NFKBIZ: variants seen among roughly 807,000 people sequenced by gnomAD.
The protein encoded by NFKBIZ is NFKB inhibitor zeta.
A neutral mutation model predicts 76.8 loss-of-function variants in NFKBIZ; 19 were observed. The observed-to-expected ratio is 0.25, with a 90% CI of 0.17 to 0.36. The LOEUF is 0.36. Among genes scored for constraint, NFKBIZ ranks in the 10% least tolerant of loss-of-function variants. The pLI, the probability that NFKBIZ is intolerant of heterozygous loss-of-function variation, is 1.00. For synonymous variants in NFKBIZ, 368 were observed against 354.8 expected (o/e 1.04, Z -0.42); for missense variants, 829 against 910.9 (o/e 0.91, Z 1.16).
Position 101,860,683 on chromosome 3 carries a change from ATAACAT to A in NFKBIZ, c.*1314_*1319del, listed in dbSNP as rs1943120235. 6.6e-6 allele frequency: 1 copy of A among 152,084 alleles called. No individual in the cohort carries two copies. Among genetic ancestry groups the A allele is most frequent in the Non-Finnish European group, 1.5e-5 (1 of 68,022 alleles). 9.4% of individuals were successfully genotyped at this position (152,084 alleles called of 1,614,324 possible). A position where few individuals can be genotyped will look rare whatever the true frequency, so the allele number is the denominator to read the frequency against. On this transcript the variant is annotated 3_prime_UTR_variant, in exon 12 of 12. Coordinates refer to ENST00000326172, the MANE Select transcript of NFKBIZ (RefSeq NM_031419.4). ...CATTCAGAAAAAGTTTTATTTTTTA[ATAACAT>A]TCTATTAACATTATTTTGCTTGCCG... is the stretch of plus-strand genomic sequence containing the variant.
chr3:101,829,184 C>T (rs1431673287), intron 1 of NFKBIZ, among the ~76,000 whole-genome samples: 2 of 152,220 alleles, frequency 1.3e-5, no homozygotes, highest in Non-Finnish European at 2.9e-5. Flanking sequence ...CTAACATCAT[C>T]CTGCTGAGGC....
chr3:101,845,246 T>G (rs1576810691), upstream of NFKBIZ, among the ~76,000 whole-genome samples: 1 of 147,778 alleles, frequency 6.8e-6, no homozygotes, highest in African/African-American at 2.5e-5. Context: ...CCAGCCTGGG[T>G]GACAGAGCGA....
At position 101,853,259 on chromosome 3, in the gene NFKBIZ, G is replaced by T. The variant is rs1216219143; in HGVS notation, c.733G>T (p.Val245Phe). Residue 245 changes from valine (V) to phenylalanine (F), a missense_variant, in exon 5 of 12, where the codon GTC (valine) becomes TTC (phenylalanine). By Grantham distance (50) the Val-to-Phe change is conservative. This residue lies in a region of NFKBIZ where 371 missense variants were observed against 332.3 expected (regional missense o/e 1.12). Coordinates refer to ENST00000326172, the MANE Select transcript of NFKBIZ (RefSeq NM_031419.4). ...AGTTAGCTGGCTGAACCCCGTGGTGGTCCCTCAGAGCTCCCCCGCAGAGCA... is the reference window on the plus strand; with the variant it reads ...AGTTAGCTGGCTGAACCCCGTGGTGTTCCCTCAGAGCTCCCCCGCAGAGCA... ...VQVSWLNPVV[V>F]PQSSPAEQCQ... is the part of the protein sequence containing the mutation. The T allele has an allele frequency of 6.2e-7, 1 of 1,614,128 alleles. No individual in the cohort carries two copies. The highest frequency in any genetic ancestry group is 8.5e-7 in the Non-Finnish European group (1 of 1,180,030).
At chr3:101,828,356 A>T (rs1194746114) in intron 1 of NFKBIZ, among the ~76,000 whole-genome samples, 19 of 152,154 alleles carry the variant, frequency 1.2e-4, no homozygotes, top group Non-Finnish European at 2.6e-4. Flanking sequence ...TTTTGGAGAA[A>T]GAAAATCTGG....
At chr3:101,847,582 T>C (rs942992102), upstream of NFKBIZ, among the ~76,000 whole-genome samples, 5 of 152,234 alleles carry the variant, frequency 3.3e-5, no homozygotes, top group African/African-American at 1.2e-4. Context: ...TGGTATAGTC[T>C]ATTGCTCCTG....
At position 101,856,085 on chromosome 3, in the gene NFKBIZ, G is replaced by A. The variant is rs1943045119; in HGVS notation, c.1824+183G>A. The A allele has an allele frequency of 2.6e-5, 11 of 431,198 alleles. No individual in the cohort carries two copies. In the South Asian group the frequency reaches 3.8e-4, roughly 15 times the overall value. The allele number at this position is 431,198 out of a possible 1,614,324, so 26.7% of individuals were successfully genotyped here. On this transcript the variant is annotated intron_variant, in intron 9 of 11. Coordinates refer to ENST00000326172, the MANE Select transcript of NFKBIZ (RefSeq NM_031419.4). ...TTTTTTTTTGAGACAGAGTCTCACT[G>A]TGTCGCCCAGGCTGGAATGCAGTGG...
In NFKBIZ at chr3:101,853,083, C is replaced by T; in HGVS notation, c.565-8C>T. ...TGAGTGTGCAAGTTGCATTTTCCTT[C>T]TTTCCAGACACCACCTCAAACACCA... On this transcript the variant is annotated splice_region_variant and splice_polypyrimidine_tract_variant and intron_variant, in intron 4 of 11. Transcript: ENST00000326172. The T allele has an allele frequency of 6.2e-7, 1 of 1,612,118 alleles. No homozygotes were observed. Among genetic ancestry groups the T allele is most frequent in the Admixed American group, 1.7e-5 (1 of 59,950 alleles).
chr3:101,859,261 T>G, intron 11 of NFKBIZ, 57 bp from the exon 12 acceptor site: 1 of 1,368,946 alleles, frequency 7.3e-7, no homozygotes, highest in Non-Finnish European at 1.0e-6. Flanking sequence ...CAGAAGGAAA[T>G]ACACCACATT....
chr3:101,855,605 G>T, intron 8 of NFKBIZ, 128 bp from the exon 9 acceptor site: 1 of 1,231,648 alleles, frequency 8.1e-7, no homozygotes, highest in Non-Finnish European at 1.2e-6. Flanking sequence ...TATTCAGATT[G>T]CCTTACTAGT....
At position 101,860,810 on chromosome 3, in the gene NFKBIZ, AAAAAG is replaced by A. The variant is rs919175055; in HGVS notation, c.*1444_*1448del. 4 of 151,814 alleles carry A rather than the reference AAAAAG, an allele frequency of 2.6e-5. No homozygotes were observed. The highest frequency in any genetic ancestry group is 2.1e-4 in the South Asian group (1 of 4,820). The allele number at this position is 151,814 out of a possible 1,614,324, so 9.4% of individuals were successfully genotyped here. On this transcript the variant is annotated 3_prime_UTR_variant, in exon 12 of 12. Transcript: ENST00000326172. ...AAACCTTTTTTTTTTAAAAAAAAAA[AAAAAG>A]AAAATCTCATTAGTGAACTTATCTT...
At chr3:101,840,641 T>C (rs1458103939) in intron 2 of NFKBIZ, among the ~76,000 whole-genome samples, 1 of 152,224 alleles carries the variant, frequency 6.6e-6, no homozygotes, top group Non-Finnish European at 1.5e-5. Flanking sequence ...GCTAGAAAGA[T>C]GGGATGCTGC....
chr3:101,851,449 G>A (rs916395848), intron 1 of NFKBIZ, among the ~76,000 whole-genome samples: 3 of 152,206 alleles, frequency 2.0e-5, no homozygotes, highest in African/African-American at 7.2e-5. Flanking sequence ...GTGAATTTAA[G>A]CAGCTTTTTT....
At chr3:101,852,274 T>C in intron 2 of NFKBIZ, 50 bp downstream of exon 2, 6 of 1,592,938 alleles carry the variant, frequency 3.8e-6, no homozygotes, top group Non-Finnish European at 5.1e-6. Context: ...GAGGGGTTAG[T>C]CTGTCAGGGT....
intron 7 of NFKBIZ, 29 bp from the exon 8 acceptor site, chr3:101,855,366 T>C (rs995859793): frequency 2.5e-6 from 4 of 1,613,022 alleles, no homozygotes; most frequent in Admixed American, 3.3e-5. Flanking sequence ...CTTATGTAGC[T>C]AACAGATGTC....
Position 101,855,125 on chromosome 3 carries a change from G to A in NFKBIZ, c.1507G>A (p.Gly503Arg). ...CATTGTGCAGGATCTGGTGAACATC[G>A]GGGCACAGGTGAACACCACAGACTG... ...HLIVQDLVNI[G>R]AQVNTTDCWG... The change falls in exon 7 of 12, where the codon GGG (glycine) becomes AGG (arginine). Residue 503 changes from glycine to arginine, a missense_variant. Transcript: ENST00000326172. 3 of 1,613,948 alleles carry A rather than the reference G, an allele frequency of 1.9e-6. No homozygotes were observed. The highest frequency in any genetic ancestry group is 2.5e-6 in the Non-Finnish European group (3 of 1,179,992).
upstream of NFKBIZ, among the ~76,000 whole-genome samples, chr3:101,847,737 A>T (rs887412367): frequency 1.3e-5 from 2 of 152,244 alleles, no homozygotes; most frequent in Admixed American, 1.3e-4. Context: ...ACCATTGTAC[A>T]TGGAGTTCAT....
At chr3:101,856,346 G>A (rs1201767037) in intron 9 of NFKBIZ, among the ~76,000 whole-genome samples, 2 of 152,170 alleles carry the variant, frequency 1.3e-5, no homozygotes, top group Non-Finnish European at 2.9e-5. Context: ...CACCGCGCCC[G>A]GCCAAGAAGC....
chr3:101,849,420 G>A, upstream of NFKBIZ: 1 of 374,950 alleles, frequency 2.7e-6, no homozygotes, highest in Non-Finnish European at 4.7e-6. Flanking sequence ...GGGCTGGGAG[G>A]CGGCCCGGGC....
In NFKBIZ at chr3:101,860,713, C is replaced by T. The variant is rs560857919; in HGVS notation, c.*1342C>T. On this transcript the variant is annotated 3_prime_UTR_variant, in exon 12 of 12. Coordinates refer to ENST00000326172, the MANE Select transcript of NFKBIZ (RefSeq NM_031419.4). ...ATTCTATTAACATTATTTTGCTTGC[C>T]GCTGGCATGCCTGAGGAATGTATTT... The T allele has an allele frequency of 3.3e-5, 5 of 150,876 alleles. No homozygotes were observed. Among genetic ancestry groups the T allele is most frequent in the South Asian group, 4.2e-4 (2 of 4,744 alleles). 9.3% of individuals were successfully genotyped at this position (150,876 alleles called of 1,614,324 possible).
Sources: allele counts gnomAD v4.1 joint callset (sites outside exome capture counted in the v4.1 genomes callset), GRCh38; gene constraint gnomAD v4.1.1; regional missense constraint gnomAD v4.1.1; transcripts MANE v1.5; gene names NCBI Gene and HGNC (gene_info 2026-07-23, HGNC 2026-07-21).